Variants in ARHGAP23 observed in about 807,000 individuals in gnomAD.
ARHGAP23 encodes Rho GTPase activating protein 23.
Under a neutral mutation model 136.3 loss-of-function variants are expected in ARHGAP23, and 34 were observed. The ratio of observed to expected loss-of-function variants is 0.25; its 90% CI spans 0.19 to 0.33. The LOEUF is 0.33. Among genes scored for constraint, ARHGAP23 ranks in the 10% least tolerant of loss-of-function variants. ARHGAP23 has a pLI of 1.00. For missense variants in ARHGAP23, 1,808 were observed against 2,139.0 expected, an observed-to-expected ratio of 0.85 and a Z score of 3.05; for synonymous variants, 832 against 920.5, an observed-to-expected ratio of 0.90 and a Z score of 1.74.
Position 38,477,683 on chromosome 17 carries a change from G to C in ARHGAP23, c.2223G>C (p.Ala741=). 3.7e-6 allele frequency: 5 copies of C among 1,334,360 alleles called. No homozygotes were observed. The highest frequency in any genetic ancestry group is 4.8e-6 in the Non-Finnish European group (5 of 1,040,214). The allele number at this position is 1,334,360 out of a possible 1,614,324, so 82.7% of individuals were successfully genotyped here. A position where few individuals can be genotyped will look rare whatever the true frequency, so the allele number is the denominator to read the frequency against. The change falls in exon 12 of 24, where the codon GCG becomes GCC. Residue 741 remains alanine, a synonymous_variant. Transcript: ENST00000622683. The surrounding 1 kb of genome is among the most constrained non-coding windows in gnomAD (Gnocchi z 6.6). ...GGCGGGAGCCCGGGCCGGCGGCGGCGGGGGCTGCGGCGGCCGGCGCAGGTG... is the reference window on the plus strand; with the variant it reads ...GGCGGGAGCCCGGGCCGGCGGCGGCCGGGGCTGCGGCGGCCGGCGCAGGTG... ...KERREPGPAA[A]GAAAAGAGED...
chr17:38,423,532 T>C (rs11078982), upstream of ARHGAP23, among the ~76,000 whole-genome samples: 44,722 of 151,766 alleles, frequency 0.29, 9,157 homozygotes, highest in African/African-American at 0.59. Context: ...CCACCACGCC[T>C]GGCTAAGTTT....
At chr17:38,428,828 G>T (rs1347134445) in intron 1 of ARHGAP23, among the ~76,000 whole-genome samples, 2 of 152,178 alleles carry the variant, frequency 1.3e-5, no homozygotes, top group African/African-American at 4.8e-5. Flanking sequence ...CCAGGTGGCG[G>T]TGCCAGGCCC....
chr17:38,464,300 A>G (rs2039530961), intron 6 of ARHGAP23, among the ~76,000 whole-genome samples: 2 of 151,880 alleles, frequency 1.3e-5, no homozygotes, highest in South Asian at 4.2e-4. Context: ...CCACACACAC[A>G]CACACACACT....
Position 38,482,553 on chromosome 17 carries a change from C to T in ARHGAP23, c.2782C>T (p.Arg928Cys). 4 of 1,548,992 alleles carry T rather than the reference C, an allele frequency of 2.6e-6. No homozygotes were observed. Among genetic ancestry groups the T allele is most frequent in the Non-Finnish European group, 3.5e-6 (4 of 1,145,388 alleles). ...CCCCTTAATCGTGGCTGCATGCTGT[C>T]GCATTGTGGAGGCACGAGGGCTGGA... ...RVPLIVAACCRIVEARGLEST... is the reference protein window; with the variant it reads ...RVPLIVAACCCIVEARGLEST... The change falls in exon 16 of 24, where the codon CGC becomes TGC. Residue 928 changes from arginine to cysteine, a missense_variant. By Grantham distance (180) the Arg-to-Cys change is radical. This residue lies in a region of ARHGAP23 where 105 missense variants were observed against 200.6 expected (regional missense o/e 0.52). Coordinates refer to ENST00000622683, the MANE Select transcript of ARHGAP23 (RefSeq NM_001199417.2).
chr17:38,442,993 G>A (rs540630162), intron 1 of ARHGAP23, among the ~76,000 whole-genome samples: 2 of 152,212 alleles, frequency 1.3e-5, no homozygotes, highest in African/African-American at 4.8e-5. Context: ...CCTGATTCTT[G>A]GTTCTCAGCA....
chr17:38,463,985 C>T (rs2039522448), intron 6 of ARHGAP23, among the ~76,000 whole-genome samples: 1 of 152,082 alleles, frequency 6.6e-6, no homozygotes, highest in Non-Finnish European at 1.5e-5. Flanking sequence ...CAACACACAC[C>T]CACAAACATT....
chr17:38,429,139 A>G (rs1009466890), intron 1 of ARHGAP23, among the ~76,000 whole-genome samples: 1 of 152,044 alleles, frequency 6.6e-6, no homozygotes, highest in Non-Finnish European at 1.5e-5. Flanking sequence ...CAGGCCCAGG[A>G]CCCCGGGCTC....
intron 23 of ARHGAP23, among the ~76,000 whole-genome samples, chr17:38,502,726 T>A (rs567614245): frequency 6.9e-4 from 105 of 152,288 alleles, no homozygotes; most frequent in South Asian, 1.9e-3. Context: ...TGGAAAAATA[T>A]GTGGCTTGAG....
At chr17:38,468,004 C>T (rs574540279) in intron 7 of ARHGAP23, among the ~76,000 whole-genome samples, 51 of 152,282 alleles carry the variant, frequency 3.3e-4, no homozygotes, top group African/African-American at 1.1e-3. Flanking sequence ...TTGGGATGGG[C>T]GTGTCGTGGG....
rs1010310275 is a variant in ARHGAP23, at chr17:38,432,059, C to T, written c.63+3511C>T. Among the ~76,000 whole-genome samples the T allele has an allele frequency of 5.3e-5, 8 of 152,208 alleles. No individual in the cohort carries two copies. The East Asian group carries it at 7.7e-4, about 15-fold the overall frequency. ...TGAAGTACAAACCAGGGAACAGCCC[C>T]GCCTGTGGCCCCCCAGGGCGCCCCA... On this transcript the variant is annotated intron_variant, in intron 1 of 23. Coordinates refer to ENST00000622683, the MANE Select transcript of ARHGAP23 (RefSeq NM_001199417.2).
At chr17:38,462,613 G>T (rs2039488481) in intron 3 of ARHGAP23, among the ~76,000 whole-genome samples, 1 of 152,168 alleles carries the variant, frequency 6.6e-6, no homozygotes, top group Non-Finnish European at 1.5e-5. Context: ...AGGTGTTTAC[G>T]GAGTGACTCT....
rs143953833 is a variant in ARHGAP23, at chr17:38,480,277, A to G, written c.2629+394A>G. Among the ~76,000 whole-genome samples the G allele has an allele frequency of 7.3e-3, 1,107 of 152,198 alleles. 10 individuals carry two copies. The highest frequency in any genetic ancestry group is 9.9e-3 in the Admixed American group (152 of 15,280). On this transcript the variant is annotated intron_variant, in intron 14 of 23. Coordinates refer to ENST00000622683, the MANE Select transcript of ARHGAP23 (RefSeq NM_001199417.2). ...GCACTTTGGGAGGCCAAGGCAGGGC[A>G]GATCACCTGAGGTCAGGAGTTCAAG...
chr17:38,436,034 G>A (rs942235367), intron 1 of ARHGAP23, among the ~76,000 whole-genome samples: 1 of 152,200 alleles, frequency 6.6e-6, no homozygotes, highest in Admixed American at 6.5e-5. Context: ...TCTTGCACTG[G>A]CATCACAGAG....
At position 38,466,264 on chromosome 17, in the gene ARHGAP23, C is replaced by A. The variant is rs1010119823; in HGVS notation, c.581C>A (p.Thr194Asn). Reference sequence around the variant, plus strand: ...CCCCCGATCTGCTACCCCCGCAAGACCTACGCCCCTCCTGCCCGGGCCTCC... The same window carrying A: ...CCCCCGATCTGCTACCCCCGCAAGAACTACGCCCCTCCTGCCCGGGCCTCC... ...EPPPICYPRK[T>N]YAPPARASTR... The change falls in exon 7 of 24, where the codon ACC becomes AAC. Residue 194 changes from threonine (T) to asparagine (N), a missense_variant. By Grantham distance (65) the Thr-to-Asn change is moderately conservative (BLOSUM62 0). Coordinates refer to ENST00000622683, the MANE Select transcript of ARHGAP23 (RefSeq NM_001199417.2). The A allele has an allele frequency of 6.5e-7, 1 of 1,549,206 alleles. No individual in the cohort carries two copies. The highest frequency in any genetic ancestry group is 2.0e-5 in the Admixed American group (1 of 50,930).
At chr17:38,462,247 C>CTTTTT (rs59822011) in intron 3 of ARHGAP23, among the ~76,000 whole-genome samples, 3 of 46,880 alleles carry the variant, frequency 6.4e-5, no homozygotes, top group African/African-American at 1.9e-4. Flanking sequence ...CGCACCCGGC[C>CTTTTT]TTTTTTTTTT....
rs1360905784 is a variant in ARHGAP23 at position 38,482,652 on chromosome 17, C to T, written c.2881C>T (p.Pro961Ser). Residue 961 changes from proline (P) to serine (S), a missense_variant, in exon 16 of 24, where the codon CCT (proline) becomes TCT (serine). Transcript: ENST00000622683. ...CCTACAGGAGCAGCTCAACCGCGGG[C>T]CTGGTGACATCAACCTGCAGGATGA... ...SSLQEQLNRGPGDINLQDERW... is the reference protein window; with the variant it reads ...SSLQEQLNRGSGDINLQDERW... 7.7e-6 allele frequency: 12 copies of T among 1,548,842 alleles called. No homozygotes were observed. Among genetic ancestry groups the T allele is most frequent in the Non-Finnish European group, 1.0e-5 (12 of 1,146,372 alleles).
chr17:38,472,569 C>T (rs1193788487), intron 11 of ARHGAP23, among the ~76,000 whole-genome samples: 6 of 151,288 alleles, frequency 4.0e-5, no homozygotes, highest in South Asian at 2.1e-4. Context: ...AAGGGGGCTT[C>T]GGGGAGTAGT....
At chr17:38,459,171 G>A (rs533223462) in intron 2 of ARHGAP23, among the ~76,000 whole-genome samples, 27 of 152,242 alleles carry the variant, frequency 1.8e-4, no homozygotes, top group African/African-American at 6.3e-4. Context: ...CCCTAGGACC[G>A]GGATCTGCCT....
intron 1 of ARHGAP23, among the ~76,000 whole-genome samples, chr17:38,446,179 TA>T (rs1243598962): frequency 8.7e-6 from 1 of 114,350 alleles, no homozygotes; most frequent in Non-Finnish European, 1.7e-5. Context: ...CACACCTGGC[TA>T]ATTTTTTTTT....
Sources: gnomAD v4.1 joint callset for allele counts (sites outside exome capture counted in the v4.1 genomes callset) on GRCh38, gnomAD v4.1.1 for gene constraint, gnomAD v4.1.1 regional missense constraint, Gnocchi (gnomAD v3.1) non-coding constraint, MANE v1.5 for transcripts, NCBI Gene and HGNC (gene_info 2026-07-23, HGNC 2026-07-21) for gene names.